The following NME9 variants were observed in gnomAD, a reference collection of about 807,000 sequenced individuals.
NME9 encodes thioredoxin domain-containing protein 6.
A neutral mutation model predicts 44.4 loss-of-function variants in NME9; 48 were observed. That is an observed-to-expected ratio of 1.08 (90% CI 0.86 to 1.37). The LOEUF (loss-of-function observed/expected upper bound fraction) is 1.37. NME9 is among the 40% of genes most tolerant of loss of function. The pLI, the probability that NME9 is intolerant of heterozygous loss-of-function variation, is 0.00. For missense variants in NME9, 325 were observed against 405.2 expected (o/e 0.80, Z 1.70); for synonymous variants, 139 against 147.1 (o/e 0.94, Z 0.40).
At chr3:138,288,871 C>T (rs903983803) in intron 8 of NME9, 8 of 544,144 alleles carry the variant, frequency 1.5e-5, no homozygotes, top group Non-Finnish European at 1.7e-5. Context: ...CACCTGACCT[C>T]GATCTTCCAC....
At chr3:138,270,278 C>T (rs772650274) in intron 8 of NME9, 13 of 610,106 alleles carry the variant, frequency 2.1e-5, no homozygotes, top group Non-Finnish European at 3.6e-5. Context: ...ATGACTAGGA[C>T]CTAGAAGGCT....
intron 8 of NME9, among the ~76,000 whole-genome samples, chr3:138,269,670 CAG>C (rs1312792116): frequency 2.0e-5 from 3 of 152,186 alleles, no homozygotes; most frequent in South Asian, 2.1e-4. Flanking sequence ...CAGAAAGTGA[CAG>C]AGTCTCAGCG....
rs187176087 is a variant in NME9 at position 138,319,703 on chromosome 3, G to A, written c.92-122C>T. 688 of 636,536 alleles carry A rather than the reference G, an allele frequency of 1.1e-3. 1 individual carries two copies. The highest frequency in any genetic ancestry group is 1.5e-3 in the Non-Finnish European group (521 of 351,240). The allele number at this position is 636,536 out of a possible 1,614,324, so 39.4% of individuals were successfully genotyped here. On this transcript the variant is annotated intron_variant, in intron 2 of 10. Transcript: ENST00000333911. ...ACATTCATTTGCCGGGATATCTAAT[G>A]GTTAAAGGGATTTACTATCCCATGA...
chr3:138,327,625 G>A (rs776970375), intron 1 of NME9, among the ~76,000 whole-genome samples: 17 of 152,174 alleles, frequency 1.1e-4, no homozygotes, highest in Non-Finnish European at 1.9e-4. Context: ...GTTATAAAGG[G>A]AACCCTGAAT....
intron 8 of NME9, among the ~76,000 whole-genome samples, chr3:138,288,635 C>CTTTTT (rs547726493): frequency 1.8e-5 from 2 of 109,678 alleles, no homozygotes; most frequent in African/African-American, 3.1e-5. Context: ...CTTCTTCAGA[C>CTTTTT]TTTTTTTTTT....
At chr3:138,320,712 G>C (rs78504023) in intron 2 of NME9, among the ~76,000 whole-genome samples, 1,978 of 152,304 alleles carry the variant, frequency 0.013, 46 homozygotes, top group African/African-American at 0.046. Flanking sequence ...GCCCAGGCTT[G>C]AATGGGTAGA....
At chr3:138,288,895 C>A in intron 8 of NME9, 1 of 592,360 alleles carries the variant, frequency 1.7e-6, no homozygotes, top group South Asian at 2.0e-5. Flanking sequence ...CCTTGGTCTC[C>A]CAAAGTGCTG....
intron 1 of NME9, among the ~76,000 whole-genome samples, chr3:138,325,903 G>T (rs1008576048): frequency 6.6e-6 from 1 of 151,260 alleles, no homozygotes; most frequent in Non-Finnish European, 1.5e-5. Context: ...TCAAAATCAG[G>T]GGAAAAAAAC....
At chr3:138,311,829 A>G (rs773285894) in intron 6 of NME9, among the ~76,000 whole-genome samples, 1 of 152,190 alleles carries the variant, frequency 6.6e-6, no homozygotes, top group Non-Finnish European at 1.5e-5. Context: ...AAAATCTCGA[A>G]TAAGACAAGG....
At chr3:138,262,669 C>A in intron 8 of NME9, 3 of 1,336,788 alleles carry the variant, frequency 2.2e-6, no homozygotes, top group South Asian at 3.5e-5. Flanking sequence ...TGCTGTATGG[C>A]CTGGACATAG....
Position 138,329,352 on chromosome 3 carries a change from C to T in NME9, c.-17G>A. ...GCTGCCCATGGCTCTGCAAAGAAGA[C>T]GAAGCCCTGTTACCGCGGCCGTGGG... On this transcript the variant is annotated 5_prime_UTR_variant, in exon 1 of 11. Coordinates refer to ENST00000333911, the MANE Select transcript of NME9 (RefSeq NM_001349018.2). 1 of 1,536,020 alleles carries T rather than the reference C, an allele frequency of 6.5e-7. No homozygotes were observed. The highest frequency in any genetic ancestry group is 1.2e-5 in the South Asian group (1 of 84,024).
At chr3:138,319,181 C>T (rs1406988739) in intron 3 of NME9, among the ~76,000 whole-genome samples, 1 of 151,738 alleles carries the variant, frequency 6.6e-6, no homozygotes, top group South Asian at 2.1e-4. Flanking sequence ...GCCTGGGTGA[C>T]AGGAAAAAGA....
At chr3:138,287,057 C>T (rs942780569) in intron 8 of NME9, among the ~76,000 whole-genome samples, 1 of 152,202 alleles carries the variant, frequency 6.6e-6, no homozygotes, top group Admixed American at 6.5e-5. Context: ...AGTCACAGCA[C>T]CTTATGCCTG....
chr3:138,327,134 C>T (rs907382473), intron 1 of NME9: 5 of 137,628 alleles, frequency 3.6e-5, no homozygotes, highest in African/African-American at 8.3e-5. Flanking sequence ...CCAGCCTGGG[C>T]GACAGGACAG....
intron 8 of NME9, among the ~76,000 whole-genome samples, chr3:138,305,620 G>A (rs2052192643): frequency 6.6e-6 from 1 of 152,146 alleles, no homozygotes; most frequent in Admixed American, 6.5e-5. Flanking sequence ...GTTATCAGCA[G>A]AAGCAAATGG....
Position 138,305,982 on chromosome 3 carries a change from T to G in NME9, c.636+22A>C, listed in dbSNP as rs777956099. 3.4e-6 allele frequency: 5 copies of G among 1,475,838 alleles called. No homozygotes were observed. In the African/African-American group the frequency reaches 6.9e-5, roughly 20 times the overall value. The allele number at this position is 1,475,838 out of a possible 1,614,324, so 91.4% of individuals were successfully genotyped here. A position where few individuals can be genotyped will look rare whatever the true frequency, so the allele number is the denominator to read the frequency against. On this transcript the variant is annotated intron_variant, in intron 8 of 10. Transcript: ENST00000333911. ...GAAGAGAAACGACAGTGTGTTGAAC[T>G]TGTGGAAGTAGATGAGCTGACCTCT... is the stretch of plus-strand genomic sequence containing the variant.
At chr3:138,293,058 G>T (rs369755421) in intron 8 of NME9, among the ~76,000 whole-genome samples, 1 of 152,158 alleles carries the variant, frequency 6.6e-6, no homozygotes, top group African/African-American at 2.4e-5. Context: ...CTTTGCCAGG[G>T]ATGCCTTTTG....
intron 6 of NME9, among the ~76,000 whole-genome samples, chr3:138,307,934 C>T (rs1454238284): frequency 6.6e-6 from 1 of 152,182 alleles, no homozygotes; most frequent in Non-Finnish European, 1.5e-5. Context: ...AGCACCATTT[C>T]AGGGAGTAGT....
At chr3:138,303,421 A>G in intron 10 of NME9, 86 bp downstream of exon 10, 1 of 1,081,326 alleles carries the variant, frequency 9.2e-7, no homozygotes, top group South Asian at 1.4e-5. Flanking sequence ...ACCAAAAATT[A>G]TCAATCCCCC....
Sources: gnomAD v4.1 joint callset for allele counts (sites outside exome capture counted in the v4.1 genomes callset) on GRCh38, gnomAD v4.1.1 for gene constraint, MANE v1.5 for transcripts, NCBI Gene and HGNC (gene_info 2026-07-23, HGNC 2026-07-21) for gene names.